Variants in PIK3C2G observed in about 807,000 individuals in gnomAD.
PIK3C2G encodes phosphatidylinositol 3-kinase C2 domain-containing subunit gamma.
A neutral mutation model predicts 181.1 loss-of-function variants in PIK3C2G; 168 were observed. The observed-to-expected ratio is 0.93, with a 90% confidence interval of 0.82 to 1.05. The LOEUF is 1.05. PIK3C2G is among the 50% of genes least tolerant of loss of function. The pLI, the probability that PIK3C2G is intolerant of heterozygous loss-of-function variation, is 0.00. For synonymous variants in PIK3C2G, 573 were observed against 592.2 expected, an observed-to-expected ratio of 0.97 and a Z score of 0.47; for missense variants, 1,869 against 1,732.8, an observed-to-expected ratio of 1.08 and a Z score of -1.40.
intron 1 of PIK3C2G, among the ~76,000 whole-genome samples, chr12:18,266,005 A>C (rs1265603938): frequency 8.7e-6 from 1 of 115,368 alleles, no homozygotes; most frequent in Non-Finnish European, 1.8e-5. Flanking sequence ...CAAGAGCGAG[A>C]CTTCATCTAA....
the PIK3C2G span, chr12:18,696,348 A>ATATATATATATATATATATATATATATC: frequency 4.2e-4 from 89 of 214,272 alleles, 1 homozygote; most frequent in East Asian, 7.1e-4. Flanking sequence ...ATATATATAT[A>ATATATATATATATATATATATATATATC]TATCATATAA....
chr12:18,650,611 C>A (rs73056314), downstream of PIK3C2G, among the ~76,000 whole-genome samples: 4 of 143,470 alleles, frequency 2.8e-5, no homozygotes, highest in Admixed American at 1.4e-4. Context: ...AGAGCTGATA[C>A]GGGCTCACTT....
At chr12:18,579,736 C>T (rs375673554) in intron 29 of PIK3C2G, among the ~76,000 whole-genome samples, 23 of 152,186 alleles carry the variant, frequency 1.5e-4, no homozygotes, top group Non-Finnish European at 3.1e-4. Context: ...GTTTGTAGTT[C>T]ATTTAAGTTC....
At chr12:18,708,937 T>C in the PIK3C2G span, among the ~76,000 whole-genome samples, 1 of 152,034 alleles carries the variant, frequency 6.6e-6, no homozygotes, top group Non-Finnish European at 1.5e-5. Flanking sequence ...GGTTTGCAAA[T>C]ATTTTTTCCC....
At chr12:18,280,125 C>G (rs1028338431) in intron 1 of PIK3C2G, among the ~76,000 whole-genome samples, 2 of 151,976 alleles carry the variant, frequency 1.3e-5, no homozygotes, top group Non-Finnish European at 2.9e-5. Flanking sequence ...CAAAGTGAAG[C>G]AAATACTTCA....
intron 18 of PIK3C2G, among the ~76,000 whole-genome samples, chr12:18,470,732 T>C (rs190018657): frequency 1.3e-5 from 2 of 152,226 alleles, no homozygotes; most frequent in Middle Eastern, 3.4e-3. Context: ...AAAAAATCCC[T>C]TGCAACTCTT....
At chr12:18,691,568 G>A in the PIK3C2G span, among the ~76,000 whole-genome samples, 1 of 152,132 alleles carries the variant, frequency 6.6e-6, no homozygotes, top group African/African-American at 2.4e-5. Flanking sequence ...CACTTGGAAG[G>A]TAGGGGGTAA....
intron 31 of PIK3C2G, among the ~76,000 whole-genome samples, chr12:18,623,006 T>C (rs117545955): frequency 0.012 from 1,888 of 151,872 alleles, 22 homozygotes; most frequent in Non-Finnish European, 0.02. Context: ...TCTCTTTGCG[T>C]TGTTTATTGT....
At chr12:18,504,913 G>A (rs1005632234) in intron 23 of PIK3C2G, among the ~76,000 whole-genome samples, 2 of 152,084 alleles carry the variant, frequency 1.3e-5, no homozygotes, top group East Asian at 1.9e-4. Context: ...TCTGGGAATA[G>A]GCAATATTGG....
chr12:18,312,568 G>T (rs1460956940), intron 5 of PIK3C2G, among the ~76,000 whole-genome samples: 3 of 152,062 alleles, frequency 2.0e-5, no homozygotes, highest in African/African-American at 7.2e-5. Flanking sequence ...GCAAACCTTT[G>T]GGAAGGAGGA....
chr12:18,420,903 C>T (rs375857420), intron 16 of PIK3C2G, 38 bp from the exon 17 acceptor site: 11 of 1,065,426 alleles, frequency 1.0e-5, no homozygotes, highest in Non-Finnish European at 1.6e-5. Flanking sequence ...TTATTCCTTA[C>T]CATTAACAGC....
intron 18 of PIK3C2G, among the ~76,000 whole-genome samples, chr12:18,465,041 T>G (rs866586042): frequency 2.2e-4 from 34 of 152,018 alleles, no homozygotes; most frequent in African/African-American, 8.2e-4. Context: ...AAAGCTGTAT[T>G]AGAAATTGTA....
chr12:18,286,908 CT>C lies in PIK3C2G; in HGVS notation c.745del (p.Cys249AlafsTer4). The C allele has an allele frequency of 5.1e-6, 8 of 1,565,978 alleles. No individual in the cohort carries two copies. Among genetic ancestry groups the C allele is most frequent in the Non-Finnish European group, 6.9e-6 (8 of 1,154,844 alleles). On this transcript the variant is annotated frameshift_variant, in exon 3 of 33. Transcript: ENST00000538779. LOFTEE classifies it high-confidence loss of function. Reference protein sequence around the residue: ...VPQSSNTSLASFCNKVKKIRE... With the variant: ...VPQSSNTSLAXFCNKVKKIRE... ...CAAAGCAGCAATACGAGTCTGGCCT[CT>C]TTTTGCAACAAAGTAAAAAAGTGAG...
intron 18 of PIK3C2G, among the ~76,000 whole-genome samples, chr12:18,459,096 C>T (rs994950652): frequency 6.6e-6 from 1 of 152,050 alleles, no homozygotes; most frequent in Non-Finnish European, 1.5e-5. Flanking sequence ...TGGTTTTAAG[C>T]CACTAATGAA....
chr12:18,548,595 A>C (rs1277014047), intron 26 of PIK3C2G, among the ~76,000 whole-genome samples: 2 of 151,992 alleles, frequency 1.3e-5, no homozygotes, highest in Non-Finnish European at 2.9e-5. Context: ...ACTAACGTGG[A>C]AGTAGATCTG....
intron 18 of PIK3C2G, among the ~76,000 whole-genome samples, chr12:18,480,754 A>G (rs1028479290): frequency 6.6e-6 from 1 of 152,078 alleles, no homozygotes; most frequent in African/African-American, 2.4e-5. Context: ...ATTTGCGTAT[A>G]ATTAAAGGTG....
chr12:18,497,811 G>A (rs1330495830), intron 22 of PIK3C2G, 63 bp downstream of exon 22: 3 of 1,302,722 alleles, frequency 2.3e-6, no homozygotes, highest in Non-Finnish European at 3.1e-6. Context: ...ACTAGTAATA[G>A]GCTACGAAAC....
chr12:18,695,032 C>G, the PIK3C2G span: 1 of 1,613,006 alleles, frequency 6.2e-7, no homozygotes, highest in Non-Finnish European at 8.5e-7. Context: ...AAAAATTTCC[C>G]ATTTTGCAGA....
chr12:18,306,569 A>C lies in PIK3C2G; in HGVS notation c.1035-7393A>C, dbSNP rs146790535. On this transcript the variant is annotated intron_variant, in intron 5 of 32. Transcript: ENST00000538779. ...GGCTATTTTATTAGTTGCAAAGACC[A>C]GTTTACTCAAATTAAGGATATGGCA... Among the ~76,000 whole-genome samples, 538 of 152,196 alleles carry C rather than the reference A, an allele frequency of 3.5e-3. 1 individual carries two copies. Among genetic ancestry groups the C allele is most frequent in the Admixed American group, 4.6e-3 (70 of 15,286 alleles).
Sources: allele counts gnomAD v4.1 joint callset (sites outside exome capture counted in the v4.1 genomes callset), GRCh38; gene constraint gnomAD v4.1.1; transcripts MANE v1.5; gene names NCBI Gene and HGNC (gene_info 2026-07-23, HGNC 2026-07-21).